KCTD8: variants seen among roughly 807,000 people sequenced by gnomAD.
KCTD8 encodes the protein potassium channel tetramerization domain containing 8.
Under a neutral mutation model 31.5 loss-of-function variants are expected in KCTD8, and 27 were observed. That is an observed-to-expected ratio of 0.86 (90% CI 0.63 to 1.18). The LOEUF (loss-of-function observed/expected upper bound fraction) is 1.18, where lower values mean the gene tolerates loss of function less well. Ranked by LOEUF, KCTD8 falls within the 50% of genes most tolerant of loss-of-function variation. The pLI is 0.00. For missense variants in KCTD8, 658 were observed against 647.7 expected, an observed-to-expected ratio of 1.02 and a Z score of -0.17; for synonymous variants, 290 against 280.0, an observed-to-expected ratio of 1.04 and a Z score of -0.36.
intron 1 of KCTD8, among the ~76,000 whole-genome samples, chr4:44,260,401 A>G (rs75603991): frequency 0.043 from 6,578 of 152,074 alleles, 199 homozygotes; most frequent in Non-Finnish European, 0.063. Flanking sequence ...AGGCAAAAAA[A>G]GTTGAGAACA....
At chr4:44,327,339 G>C (rs917533348) in intron 1 of KCTD8, among the ~76,000 whole-genome samples, 3 of 151,628 alleles carry the variant, frequency 2.0e-5, no homozygotes, top group Admixed American at 6.6e-5. Context: ...TTTACCCCCA[G>C]GTAAGTATTT....
At chr4:44,200,247 C>T (rs1482918668) in intron 1 of KCTD8, among the ~76,000 whole-genome samples, 2 of 151,594 alleles carry the variant, frequency 1.3e-5, no homozygotes, top group African/African-American at 4.8e-5. Context: ...AGAACTGGTA[C>T]CAATCATACT....
chr4:44,305,336 T>C (rs1440515668), intron 1 of KCTD8, among the ~76,000 whole-genome samples: 1 of 151,646 alleles, frequency 6.6e-6, no homozygotes, highest in Non-Finnish European at 1.5e-5. Flanking sequence ...GGTTGCTTCC[T>C]GATTACAAAA....
intron 1 of KCTD8, among the ~76,000 whole-genome samples, chr4:44,423,592 A>G (rs1721275798): frequency 6.6e-6 from 1 of 152,074 alleles, no homozygotes; most frequent in African/African-American, 2.4e-5. Context: ...CAGTAAATTC[A>G]TCTCCTTTTA....
At chr4:44,257,095 G>T (rs998160253) in intron 1 of KCTD8, among the ~76,000 whole-genome samples, 1 of 151,926 alleles carries the variant, frequency 6.6e-6, no homozygotes, top group African/African-American at 2.4e-5. Context: ...ATTACCCTTA[G>T]GGGAAGATTA....
chr4:44,197,322 T>C (rs1388020981), intron 1 of KCTD8, among the ~76,000 whole-genome samples: 1 of 152,058 alleles, frequency 6.6e-6, no homozygotes, highest in Non-Finnish European at 1.5e-5. Flanking sequence ...CCCTGGCCCC[T>C]GCCTGAGGGA....
At chr4:44,356,879 G>A (rs1409674895) in intron 1 of KCTD8, among the ~76,000 whole-genome samples, 3 of 152,162 alleles carry the variant, frequency 2.0e-5, no homozygotes, top group Non-Finnish European at 4.4e-5. Context: ...ACTTGTCTGT[G>A]TGAGGATATT....
intron 1 of KCTD8, among the ~76,000 whole-genome samples, chr4:44,418,942 C>T (rs1193849779): frequency 6.6e-6 from 1 of 152,182 alleles, no homozygotes; most frequent in East Asian, 1.9e-4. Context: ...TTTATATAAC[C>T]CAACCGTGGC....
chr4:44,303,461 T>C (rs1318035748), intron 1 of KCTD8, among the ~76,000 whole-genome samples: 1 of 141,502 alleles, frequency 7.1e-6, no homozygotes, highest in Non-Finnish European at 1.6e-5. Context: ...AGTGTATGTG[T>C]CGAGGAATTT....
intron 1 of KCTD8, among the ~76,000 whole-genome samples, chr4:44,224,789 A>G (rs897803666): frequency 3.9e-5 from 6 of 152,172 alleles, no homozygotes; most frequent in African/African-American, 1.4e-4. Flanking sequence ...GATAGTGAGT[A>G]TGGTGGTCTG....
intron 1 of KCTD8, among the ~76,000 whole-genome samples, chr4:44,417,375 C>A (rs1277228557): frequency 6.6e-6 from 1 of 152,066 alleles, no homozygotes; most frequent in Non-Finnish European, 1.5e-5. Context: ...CGCTAGGAGA[C>A]CACTTCATCT....
intron 1 of KCTD8, among the ~76,000 whole-genome samples, chr4:44,367,548 G>A (rs1374971500): frequency 1.3e-5 from 2 of 152,016 alleles, no homozygotes; most frequent in Non-Finnish European, 2.9e-5. Context: ...AGAAAAATTA[G>A]AGTAAAAGGT....
intron 1 of KCTD8, among the ~76,000 whole-genome samples, chr4:44,334,826 T>C (rs957400121): frequency 3.3e-5 from 5 of 152,112 alleles, no homozygotes; most frequent in African/African-American, 9.7e-5. Flanking sequence ...CTTTGGAAAT[T>C]TTGAAAGTTT....
intron 1 of KCTD8, among the ~76,000 whole-genome samples, chr4:44,188,963 T>A (rs1035836267): frequency 6.6e-6 from 1 of 152,216 alleles, no homozygotes; most frequent in African/African-American, 2.4e-5. Context: ...CAATTTGTCA[T>A]AGTAGCCAAT....
chr4:44,277,382 A>G (rs1484553260), intron 1 of KCTD8, among the ~76,000 whole-genome samples: 4 of 152,026 alleles, frequency 2.6e-5, no homozygotes, highest in Middle Eastern at 3.4e-3. Flanking sequence ...TATCTAGGCC[A>G]TAAGATCCGC....
chr4:44,378,979 C>A (rs2109441511), intron 1 of KCTD8, among the ~76,000 whole-genome samples: 1 of 152,208 alleles, frequency 6.6e-6, no homozygotes, highest in East Asian at 1.9e-4. Flanking sequence ...TAGCTCATGA[C>A]CCCATCTTTC....
intron 1 of KCTD8, among the ~76,000 whole-genome samples, chr4:44,447,262 C>A (rs991497316): frequency 1.3e-5 from 2 of 152,252 alleles, no homozygotes; most frequent in Non-Finnish European, 2.9e-5. Context: ...ACCGAGGAGA[C>A]CCTGGCATCT....
intron 1 of KCTD8, among the ~76,000 whole-genome samples, chr4:44,442,976 A>C (rs1413257278): frequency 1.3e-5 from 2 of 152,212 alleles, no homozygotes; most frequent in Non-Finnish European, 2.9e-5. Flanking sequence ...TCAAAGACAG[A>C]ATTATGCCAG....
chr4:44,240,372 T>C (rs1038990073), intron 1 of KCTD8, among the ~76,000 whole-genome samples: 3 of 152,218 alleles, frequency 2.0e-5, no homozygotes, highest in African/African-American at 7.2e-5. Flanking sequence ...TGAGAATCAG[T>C]GATTGCCAGA....
Sources: allele counts gnomAD v4.1 joint callset (sites outside exome capture counted in the v4.1 genomes callset), GRCh38; gene constraint gnomAD v4.1.1; transcripts MANE v1.5; gene names NCBI Gene and HGNC (gene_info 2026-07-23, HGNC 2026-07-21).